Variants in PHF24 observed in about 807,000 individuals in gnomAD.
PHF24 encodes PHD finger protein 24, also known as Galpha inhibitory interacting protein.
A neutral mutation model predicts 42.6 loss-of-function variants in PHF24; 25 were observed. The ratio of observed to expected loss-of-function variants is 0.59; its 90% CI spans 0.43 to 0.82. The LOEUF (loss-of-function observed/expected upper bound fraction) is 0.82. Ranked by LOEUF, PHF24 falls within the 40% of genes least tolerant of loss-of-function variation. The pLI, the probability that PHF24 is intolerant of heterozygous loss-of-function variation, is 0.00. For missense variants in PHF24, 470 were observed against 538.1 expected, an observed-to-expected ratio of 0.87 and a Z score of 1.25; for synonymous variants, 185 against 204.8, an observed-to-expected ratio of 0.90 and a Z score of 0.83.
chr9:34,786,857 G>A, the PHF24 span, among the ~76,000 whole-genome samples: 1 of 152,172 alleles, frequency 6.6e-6, no homozygotes, highest in Admixed American at 6.5e-5. Flanking sequence ...AAAACAGAGG[G>A]AACCTGAGAT....
chr9:34,949,045 A>G, the PHF24 span, among the ~76,000 whole-genome samples: 1 of 152,228 alleles, frequency 6.6e-6, no homozygotes, highest in East Asian at 1.9e-4. Context: ...AACTAGTATT[A>G]CTAAAAGTCA....
At chr9:34,723,109 GGAAATGACAATA>G in the PHF24 span, 5 of 1,214,802 alleles carry the variant, frequency 4.1e-6, no homozygotes, top group Non-Finnish European at 5.6e-6. Flanking sequence ...GCACATTTAT[GGAAATGACAATA>G]CTGGTCCTCT....
the PHF24 span, among the ~76,000 whole-genome samples, chr9:34,812,660 A>G: frequency 6.6e-6 from 1 of 152,192 alleles, no homozygotes; most frequent in South Asian, 2.1e-4. Context: ...CAAGTTCTGA[A>G]GATTTGGTCT....
chr9:34,728,451 C>T, the PHF24 span, among the ~76,000 whole-genome samples: 12 of 152,176 alleles, frequency 7.9e-5, no homozygotes, highest in Admixed American at 2.0e-4. Flanking sequence ...TTGGAACATT[C>T]TCAAGTTATG....
At chr9:34,917,368 C>G in the PHF24 span, 1 of 783,084 alleles carries the variant, frequency 1.3e-6, no homozygotes, top group Non-Finnish European at 2.4e-6. Flanking sequence ...TTTGATGGCT[C>G]TATAGTACTT....
the PHF24 span, among the ~76,000 whole-genome samples, chr9:34,950,489 A>G: frequency 3.9e-5 from 6 of 152,320 alleles, no homozygotes; most frequent in South Asian, 1.0e-3. Flanking sequence ...ACTACTAAAT[A>G]GCCCATGTGT....
chr9:34,774,883 G>A, the PHF24 span, among the ~76,000 whole-genome samples: 7 of 152,216 alleles, frequency 4.6e-5, no homozygotes, highest in South Asian at 1.2e-3. Context: ...ACACCCACTA[G>A]GATGGCTAAT....
At chr9:34,683,564 A>T in the PHF24 span, among the ~76,000 whole-genome samples, 1 of 152,176 alleles carries the variant, frequency 6.6e-6, no homozygotes, top group African/African-American at 2.4e-5. Flanking sequence ...AGCCCCATAC[A>T]TACAAGCTCC....
At chr9:34,687,535 C>T in the PHF24 span, among the ~76,000 whole-genome samples, 214 of 152,280 alleles carry the variant, frequency 1.4e-3, 3 homozygotes, top group Admixed American at 0.012. Context: ...GACTCTGGCC[C>T]AGGCAGTGAA....
At chr9:34,883,773 T>G in the PHF24 span, among the ~76,000 whole-genome samples, 1 of 152,192 alleles carries the variant, frequency 6.6e-6, no homozygotes, top group South Asian at 2.1e-4. Flanking sequence ...GGTGGGACTG[T>G]AAACTAGTTC....
chr9:34,765,061 G>A, the PHF24 span, among the ~76,000 whole-genome samples: 1 of 152,046 alleles, frequency 6.6e-6, no homozygotes, highest in East Asian at 1.9e-4. Flanking sequence ...TGTGGTCTGA[G>A]AGACAGTTTG....
At chr9:34,889,115 A>C in the PHF24 span, 1 of 398,494 alleles carries the variant, frequency 2.5e-6, no homozygotes, top group African/African-American at 2.1e-5. Flanking sequence ...CTTCACCTGC[A>C]TGTTAATGGA....
At chr9:34,912,874 A>G in the PHF24 span, among the ~76,000 whole-genome samples, 1 of 152,246 alleles carries the variant, frequency 6.6e-6, no homozygotes, top group South Asian at 2.1e-4. Flanking sequence ...GTCAACCCCA[A>G]GATGTTGACA....
At chr9:34,831,500 G>A in the PHF24 span, among the ~76,000 whole-genome samples, 1 of 152,196 alleles carries the variant, frequency 6.6e-6, no homozygotes, top group African/African-American at 2.4e-5. Flanking sequence ...AAACTTCAGT[G>A]CTCAACACCC....
the PHF24 span, among the ~76,000 whole-genome samples, chr9:34,700,848 G>T: frequency 1.3e-5 from 2 of 152,112 alleles, no homozygotes. Flanking sequence ...TGTTCCGAAG[G>T]TACCCACTAT....
At chr9:34,706,504 G>C in the PHF24 span, among the ~76,000 whole-genome samples, 10 of 152,172 alleles carry the variant, frequency 6.6e-5, no homozygotes, top group Admixed American at 2.6e-4. Flanking sequence ...TGTGTATTAT[G>C]TGATATTTTT....
At chr9:34,810,811 C>T in the PHF24 span, among the ~76,000 whole-genome samples, 4 of 152,108 alleles carry the variant, frequency 2.6e-5, no homozygotes, top group Non-Finnish European at 5.9e-5. Context: ...CCATGGTAGC[C>T]CAGTTGCTCC....
At chr9:34,904,188 C>G in the PHF24 span, among the ~76,000 whole-genome samples, 1 of 152,150 alleles carries the variant, frequency 6.6e-6, no homozygotes, top group African/African-American at 2.4e-5. Context: ...GTTTGACTTC[C>G]TCTTTACTGA....
At chr9:34,766,509 T>C in the PHF24 span, among the ~76,000 whole-genome samples, 1 of 152,248 alleles carries the variant, frequency 6.6e-6, no homozygotes, top group African/African-American at 2.4e-5. Context: ...CTGAGGCTTC[T>C]GCATTCTTCA....
Sources: gnomAD v4.1 joint callset for allele counts (sites outside exome capture counted in the v4.1 genomes callset) on GRCh38, gnomAD v4.1.1 for gene constraint, MANE v1.5 for transcripts, NCBI Gene and HGNC (gene_info 2026-07-23, HGNC 2026-07-21) for gene names.